RAD54L2: variants seen among roughly 807,000 people sequenced by gnomAD.
RAD54L2 encodes RAD54 like 2.
A neutral mutation model predicts 138.4 loss-of-function variants in RAD54L2; 27 were observed. The observed-to-expected ratio is 0.20, with a 90% CI of 0.14 to 0.27. The LOEUF (loss-of-function observed/expected upper bound fraction) is 0.27. Among genes scored for constraint, RAD54L2 ranks in the 10% least tolerant of loss-of-function variants. The pLI is 1.00. For missense variants in RAD54L2, 1,396 were observed against 1,890.2 expected (o/e 0.74, Z 4.85); for synonymous variants, 644 against 723.2 (o/e 0.89, Z 1.76).
In RAD54L2 at chr3:51,662,804, C is replaced by T. The variant is rs1234546301; in HGVS notation, c.3788C>T (p.Ala1263Val). The change falls in exon 23 of 23, where the codon GCT becomes GTT. Residue 1263 changes from alanine (A) to valine (V), a missense_variant. Coordinates refer to ENST00000684192, the MANE Select transcript of RAD54L2 (RefSeq NM_015106.4). The surrounding 1 kb of genome is among the most constrained non-coding windows in gnomAD (Gnocchi z 4.6). The stretch of plus-strand genomic sequence containing the variant: ...AAGCGAAAGTTGGCCACACCACCTG[C>T]TGCCCAGGAGTCATCCCGCCGGCGG... ...GHKRKLATPP[A>V]AQESSRRRSR... is the part of the protein sequence containing the mutation. The T allele has an allele frequency of 3.1e-6, 5 of 1,610,962 alleles. No homozygotes were observed. The highest frequency in any genetic ancestry group is 4.2e-6 in the Non-Finnish European group (5 of 1,178,610).
At chr3:51,574,451 C>T (rs1699415993) in intron 2 of RAD54L2, among the ~76,000 whole-genome samples, 1 of 152,212 alleles carries the variant, frequency 6.6e-6, no homozygotes, top group Non-Finnish European at 1.5e-5. Context: ...AACTAGTTTA[C>T]AGTCCCACCA....
At chr3:51,651,981 A>T (rs1344735385) in intron 19 of RAD54L2, among the ~76,000 whole-genome samples, 1 of 152,224 alleles carries the variant, frequency 6.6e-6, no homozygotes, top group African/African-American at 2.4e-5. Context: ...CAATTAGGAA[A>T]AGAGGAAGTC....
chr3:51,635,721 C>A lies in RAD54L2; in HGVS notation c.1271C>A (p.Thr424Asn), dbSNP rs146954506. 5.6e-5 allele frequency: 90 copies of A among 1,613,668 alleles called. 1 individual carries two copies. The highest frequency in any genetic ancestry group is 6.9e-5 in the Non-Finnish European group (81 of 1,179,822). Residue 424 changes from threonine (T) to asparagine (N), a missense_variant, in exon 10 of 23, where the codon ACC (threonine) becomes AAC (asparagine). Physicochemically the swap from Thr to Asn is moderately conservative, Grantham distance 65. Coordinates refer to ENST00000684192, the MANE Select transcript of RAD54L2 (RefSeq NM_015106.4). ...KSFATGRPKK[T>N]KKRSHPVIID... ...TTTGCCACAGGTAGACCGAAGAAAA[C>A]CAAGAAGCGTTCTCACCCAGTCATC...
intron 2 of RAD54L2, among the ~76,000 whole-genome samples, chr3:51,544,440 A>G (rs1361793462): frequency 6.6e-6 from 1 of 152,160 alleles, no homozygotes; most frequent in African/African-American, 2.4e-5. Flanking sequence ...TTCATTTGGG[A>G]GTAAATGTGA....
At chr3:51,652,994 C>T (rs766763843) in intron 19 of RAD54L2, among the ~76,000 whole-genome samples, 1 of 152,134 alleles carries the variant, frequency 6.6e-6, no homozygotes, top group Non-Finnish European at 1.5e-5. Context: ...GAACAGGCAA[C>T]CTACAGAGTG....
At position 51,646,425 on chromosome 3, in the gene RAD54L2, T is replaced by C. The variant is rs1701281505; in HGVS notation, c.2970T>C (p.Tyr990=). The change falls in exon 19 of 23, where the codon TAT becomes TAC. Residue 990 remains tyrosine, a synonymous_variant. Transcript: ENST00000684192. ...VPYTRPSYAQ[Y]YPASDQSLTS... The stretch of plus-strand genomic sequence containing the variant: ...ATACCCGCCCATCGTATGCGCAGTA[T>C]TACCCTGCCAGCGATCAGAGCCTGA... The C allele has an allele frequency of 3.1e-6, 5 of 1,613,676 alleles. No individual in the cohort carries two copies. Among genetic ancestry groups the C allele is most frequent in the African/African-American group, 2.7e-5 (2 of 74,904 alleles).
At chr3:51,629,568 T>G in intron 5 of RAD54L2, 95 bp downstream of exon 5, 1 of 1,476,426 alleles carries the variant, frequency 6.8e-7, no homozygotes, top group Non-Finnish European at 9.1e-7. Flanking sequence ...AATAAGACTG[T>G]GGCCTCTCGG....
intron 6 of RAD54L2, 51 bp downstream of exon 6, chr3:51,630,439 A>G: frequency 6.6e-7 from 1 of 1,518,952 alleles, no homozygotes; most frequent in Non-Finnish European, 9.1e-7. Flanking sequence ...GTTCATGCTG[A>G]GATCGGCTAT....
At chr3:51,596,940 G>A (rs1028465052) in intron 3 of RAD54L2, among the ~76,000 whole-genome samples, 4 of 152,140 alleles carry the variant, frequency 2.6e-5, no homozygotes, top group East Asian at 1.9e-4. Context: ...CAAGGCAGGC[G>A]GATCAGTTGA....
intron 2 of RAD54L2, among the ~76,000 whole-genome samples, chr3:51,548,929 C>T (rs1044714205): frequency 5.4e-5 from 8 of 147,866 alleles, no homozygotes; most frequent in Admixed American, 1.4e-4. Flanking sequence ...CGGGTTCAAA[C>T]GATTCTGCCT....
At position 51,627,717 on chromosome 3, in the gene RAD54L2, A is replaced by G; in HGVS notation, c.304A>G (p.Arg102Gly). The G allele has an allele frequency of 6.2e-7, 1 of 1,613,924 alleles. No homozygotes were observed. The highest frequency in any genetic ancestry group is 8.5e-7 in the Non-Finnish European group (1 of 1,179,860). ...NLASEDPKKK[R>G]AQKPSHMRRN... ...AGCCTCCGAGGACCCCAAAAAGAAG[A>G]GAGCTCAGAAGCCCTCCCACATGAG... Residue 102 changes from arginine to glycine, a missense_variant, in exon 4 of 23, where the codon AGA becomes GGA. This residue lies in a region of RAD54L2 where 256 missense variants were observed against 344.6 expected (regional missense o/e 0.74). Coordinates refer to ENST00000684192, the MANE Select transcript of RAD54L2 (RefSeq NM_015106.4).
intron 9 of RAD54L2, among the ~76,000 whole-genome samples, 182 bp downstream of exon 9, chr3:51,634,217 C>T (rs1401270514): frequency 6.6e-6 from 1 of 152,052 alleles, no homozygotes; most frequent in Non-Finnish European, 1.5e-5. Flanking sequence ...TCAGGAAAGC[C>T]AGAGTTAAGT....
intron 2 of RAD54L2, among the ~76,000 whole-genome samples, chr3:51,542,548 C>T (rs375246706): frequency 2.1e-4 from 32 of 152,048 alleles, no homozygotes; most frequent in African/African-American, 7.7e-4. Context: ...CAGGTTCACG[C>T]CATTCTCCCG....
At position 51,643,961 on chromosome 3, in the gene RAD54L2, C is replaced by G; in HGVS notation, c.2437C>G (p.Leu813Val). 1 of 1,600,122 alleles carries G rather than the reference C, an allele frequency of 6.2e-7. No homozygotes were observed. Among genetic ancestry groups the G allele is most frequent in the Non-Finnish European group, 8.5e-7 (1 of 1,172,818 alleles). The change falls in exon 16 of 23, where the codon CTT becomes GTT. Residue 813 changes from leucine (L) to valine (V), a missense_variant. Physicochemically the swap from Leu to Val is conservative, Grantham distance 32 (BLOSUM62 1). Transcript: ENST00000684192. ...CAGCAACCTCACCACCTGGCTGTTC[C>G]TTCTCTCTACAAGGTGAGTGGATCC... is the stretch of plus-strand genomic sequence containing the variant. ...DPSNLTTWLFLLSTRAGCLGV... is the reference protein window; with the variant it reads ...DPSNLTTWLFVLSTRAGCLGV...
chr3:51,646,407 C>T lies in RAD54L2; in HGVS notation c.2952C>T (p.Arg984=), dbSNP rs542280572. The part of the protein sequence containing the change: ...EDKRTSVPYT[R]PSYAQYYPAS... ...AACGCACATCAGTCCCCTATACCCGCCCATCGTATGCGCAGTATTACCCTG... is the reference window on the plus strand; with the variant it reads ...AACGCACATCAGTCCCCTATACCCGTCCATCGTATGCGCAGTATTACCCTG... The change falls in exon 19 of 23, where the codon CGC becomes CGT. Residue 984 remains arginine (R), a synonymous_variant. Transcript: ENST00000684192. 4 of 1,613,904 alleles carry T rather than the reference C, an allele frequency of 2.5e-6. No homozygotes were observed. The highest frequency in any genetic ancestry group is 1.1e-5 in the South Asian group (1 of 91,034).
At chr3:51,550,553 G>A (rs571892895) in intron 2 of RAD54L2, among the ~76,000 whole-genome samples, 4 of 152,134 alleles carry the variant, frequency 2.6e-5, no homozygotes, top group South Asian at 2.1e-4. Flanking sequence ...GCTTAAGTCC[G>A]GGATTTCGAG....
intron 3 of RAD54L2, among the ~76,000 whole-genome samples, chr3:51,592,342 G>A (rs1022729302): frequency 6.6e-6 from 1 of 151,870 alleles, no homozygotes; most frequent in African/African-American, 2.4e-5. Flanking sequence ...GGGATTACAG[G>A]GGTGAGCCAC....
At chr3:51,630,613 C>CT (rs1304525325) in intron 6 of RAD54L2, 92 bp from the exon 7 acceptor site, 6 of 1,150,216 alleles carry the variant, frequency 5.2e-6, no homozygotes, top group East Asian at 2.6e-5. Context: ...CAAGTTCTAA[C>CT]TTTAAGTTTC....
chr3:51,603,232 C>T (rs1436895077), intron 3 of RAD54L2, among the ~76,000 whole-genome samples: 2 of 151,648 alleles, frequency 1.3e-5, no homozygotes, highest in Admixed American at 6.6e-5. Context: ...TCACTTGAGC[C>T]AGGAGGTTGA....
Sources: gnomAD v4.1 joint callset for allele counts (sites outside exome capture counted in the v4.1 genomes callset) on GRCh38, gnomAD v4.1.1 for gene constraint, gnomAD v4.1.1 regional missense constraint, Gnocchi (gnomAD v3.1) non-coding constraint, MANE v1.5 for transcripts, NCBI Gene and HGNC (gene_info 2026-07-23, HGNC 2026-07-21) for gene names.